Variants in RGSL1 observed in about 807,000 individuals in gnomAD.
RGSL1 encodes the protein regulator of G protein signaling protein-like.
Under a neutral mutation model 124.7 loss-of-function variants are expected in RGSL1, and 97 were observed. The observed-to-expected ratio is 0.78, with a 90% CI of 0.66 to 0.92. The LOEUF is 0.92. Ranked by LOEUF, RGSL1 falls within the 40% of genes least tolerant of loss-of-function variation. The pLI is 0.00. For synonymous variants in RGSL1, 424 were observed against 438.1 expected (o/e 0.97, Z 0.40); for missense variants, 1,233 against 1,288.4 (o/e 0.96, Z 0.66).
chr1:182,539,009 C>T (rs1308560696), intron 14 of RGSL1, among the ~76,000 whole-genome samples: 1 of 152,286 alleles, frequency 6.6e-6, no homozygotes, highest in Non-Finnish European at 1.5e-5. Flanking sequence ...TAATAGTGAG[C>T]TGGAGCTGCT....
chr1:182,462,688 T>C (rs1445853791), intron 4 of RGSL1, among the ~76,000 whole-genome samples: 1 of 152,162 alleles, frequency 6.6e-6, no homozygotes, highest in African/African-American at 2.4e-5. Flanking sequence ...CAATGTAATT[T>C]TGTGACATCA....
intron 15 of RGSL1, among the ~76,000 whole-genome samples, chr1:182,542,532 G>C (rs147852560): frequency 6.6e-6 from 1 of 152,156 alleles, no homozygotes; most frequent in Non-Finnish European, 1.5e-5. Context: ...GGTCAGGATT[G>C]CTTTGACTAT....
At position 182,517,285 on chromosome 1, in the gene RGSL1, T is replaced by TC. The variant is rs548824558; in HGVS notation, c.1826-4719_1826-4718insC. Among the ~76,000 whole-genome samples, 28 of 151,462 alleles carry TC rather than the reference T, an allele frequency of 1.8e-4. No individual in the cohort carries two copies. In the East Asian group the frequency reaches 5.4e-3, roughly 29 times the overall value. On this transcript the variant is annotated intron_variant, in intron 9 of 21. Transcript: ENST00000294854. ...TATTAGCCTCTTTTCTATTTCTGTT[T>TC]TTTTTTTTGTATTTTTCTCTCTGTC... is the stretch of plus-strand genomic sequence containing the variant.
At chr1:182,491,421 G>A (rs1396421058) in intron 8 of RGSL1, among the ~76,000 whole-genome samples, 1 of 151,786 alleles carries the variant, frequency 6.6e-6, no homozygotes, top group African/African-American at 2.4e-5. Context: ...CACTATGTTG[G>A]CCAGGCTGGT....
intron 2 of RGSL1, among the ~76,000 whole-genome samples, chr1:182,457,811 C>T (rs1419822980): frequency 6.6e-6 from 1 of 152,132 alleles, no homozygotes; most frequent in Non-Finnish European, 1.5e-5. Flanking sequence ...GGATGGTATC[C>T]TAGAATTACA....
At chr1:182,448,743 G>C (rs999664399), upstream of RGSL1, among the ~76,000 whole-genome samples, 2 of 152,154 alleles carry the variant, frequency 1.3e-5, no homozygotes, top group South Asian at 4.1e-4. Flanking sequence ...GGTCATGAAA[G>C]GGTCAGGGAT....
intron 6 of RGSL1, among the ~76,000 whole-genome samples, chr1:182,479,514 A>G (rs1654536397): frequency 6.6e-6 from 1 of 152,194 alleles, no homozygotes; most frequent in Non-Finnish European, 1.5e-5. Context: ...TAAAAGATAA[A>G]AAGAAAATAA....
chr1:182,554,811 C>G, intron 20 of RGSL1, 118 bp downstream of exon 20: 1 of 997,174 alleles, frequency 1.0e-6, no homozygotes, highest in Non-Finnish European at 1.5e-6. Context: ...CCTTGGCATG[C>G]AGAACCTAGA....
intron 4 of RGSL1, among the ~76,000 whole-genome samples, chr1:182,464,552 T>C (rs1356033719): frequency 4.6e-5 from 7 of 151,194 alleles, no homozygotes; most frequent in African/African-American, 9.7e-5. Flanking sequence ...GGTGAAAACC[T>C]GTCTCTACTA....
At chr1:182,520,978 T>C (rs1395169383) in intron 9 of RGSL1, among the ~76,000 whole-genome samples, 1 of 152,228 alleles carries the variant, frequency 6.6e-6, no homozygotes, top group East Asian at 1.9e-4. Flanking sequence ...TCATAGTCTA[T>C]GTTTTCTTCT....
intron 9 of RGSL1, among the ~76,000 whole-genome samples, chr1:182,519,843 C>T (rs529902): frequency 0.86 from 131,529 of 152,134 alleles, 57,175 homozygotes; most frequent in Non-Finnish European, 0.89. Context: ...ATCTGTCATT[C>T]GACTCATCTA....
intron 15 of RGSL1, among the ~76,000 whole-genome samples, chr1:182,547,644 G>A (rs900832194): frequency 6.6e-6 from 1 of 152,070 alleles, no homozygotes; most frequent in Non-Finnish European, 1.5e-5. Flanking sequence ...GGTGGATCAC[G>A]AGGTCAAGAG....
In RGSL1 at chr1:182,489,165, T is replaced by C. The variant is rs1179018367; in HGVS notation, c.1680T>C (p.Ser560=). 4 of 1,551,580 alleles carry C rather than the reference T, an allele frequency of 2.6e-6. No homozygotes were observed. The Admixed American group carries it at 7.8e-5, about 30-fold the overall frequency. Residue 560 remains serine (S), a synonymous_variant, in exon 8 of 22, where the codon TCT becomes TCC. Coordinates refer to ENST00000294854, the MANE Select transcript of RGSL1 (RefSeq NM_001137669.2). ...IATEDLKQGG[S]LQVELTSPVF... Reference sequence around the variant, plus strand: ...CTGAGGACCTGAAGCAAGGAGGCTCTCTCCAGGTAGAGCTGACATCTCCAG... The same window carrying C: ...CTGAGGACCTGAAGCAAGGAGGCTCCCTCCAGGTAGAGCTGACATCTCCAG...
intron 10 of RGSL1, among the ~76,000 whole-genome samples, chr1:182,524,564 C>T (rs1403013512): frequency 6.6e-6 from 1 of 152,102 alleles, no homozygotes; most frequent in Non-Finnish European, 1.5e-5. Flanking sequence ...AGGCATTTAA[C>T]AAATAAAAAA....
chr1:182,525,618 C>T (rs1308053197), intron 10 of RGSL1, among the ~76,000 whole-genome samples: 1 of 152,042 alleles, frequency 6.6e-6, no homozygotes, highest in African/African-American at 2.4e-5. Context: ...ATCTTGAGTG[C>T]TGCAGGAGAA....
chr1:182,506,030 G>T (rs1656782742), intron 9 of RGSL1, among the ~76,000 whole-genome samples: 1 of 152,012 alleles, frequency 6.6e-6, no homozygotes, highest in Admixed American at 6.5e-5. Context: ...GATAGATGTG[G>T]CATTACATTG....
At chr1:182,484,072 C>T (rs1034028673) in intron 6 of RGSL1, among the ~76,000 whole-genome samples, 16 of 152,144 alleles carry the variant, frequency 1.1e-4, no homozygotes, top group African/African-American at 3.4e-4. Context: ...TGAAGCCAGG[C>T]GCAGTGGCAC....
At chr1:182,553,306 A>G (rs1660676078) in intron 18 of RGSL1, 149 bp from the exon 19 acceptor site, 2 of 639,094 alleles carry the variant, frequency 3.1e-6, no homozygotes, top group Admixed American at 6.0e-5. Flanking sequence ...AGCATCTCAC[A>G]TGCAAAGATT....
intron 8 of RGSL1, 37 bp from the exon 9 acceptor site, chr1:182,492,985 C>A: frequency 7.3e-7 from 1 of 1,370,174 alleles, no homozygotes; most frequent in Non-Finnish European, 1.0e-6. Context: ...AGACTTTGGA[C>A]AACTAAACTC....
Sources: gnomAD v4.1 joint callset for allele counts (sites outside exome capture counted in the v4.1 genomes callset) on GRCh38, gnomAD v4.1.1 for gene constraint, MANE v1.5 for transcripts, NCBI Gene and HGNC (gene_info 2026-07-23, HGNC 2026-07-21) for gene names.